RBCK1: variants seen among roughly 807,000 people sequenced by gnomAD.
RBCK1 encodes the protein RANBP2-type and C3HC4-type zinc finger containing 1.
In RBCK1, 44 loss-of-function variants were observed where a neutral mutation model predicts 71.1. The ratio of observed to expected loss-of-function variants is 0.62; its 90% CI spans 0.49 to 0.80. The LOEUF (loss-of-function observed/expected upper bound fraction) is 0.80. Ranked by LOEUF, RBCK1 falls within the 30% of genes least tolerant of loss-of-function variation. RBCK1 has a pLI of 0.00. For synonymous variants in RBCK1, 306 were observed against 279.7 expected (o/e 1.09, Z -0.94); for missense variants, 569 against 685.0 (o/e 0.83, Z 1.89).
rs1385868726 is a variant in RBCK1 at position 422,683 on chromosome 20, G to A, written c.1029+445G>A. Among the ~76,000 whole-genome samples, 1 of 152,128 alleles carries A rather than the reference G, an allele frequency of 6.6e-6. No homozygotes were observed. On this transcript the variant is annotated intron_variant, in intron 8 of 11. Coordinates refer to ENST00000356286, the MANE Select transcript of RBCK1 (RefSeq NM_031229.4). This position sits in a 1 kb window ranked among gnomAD's most constrained non-coding sequence, Gnocchi z 5.0. ...ATTCAAAAAATAGCCAGGCGCGGGGGCATGCGCCTGTAGTCCTAGCTACTT... is the reference window on the plus strand; with the variant it reads ...ATTCAAAAAATAGCCAGGCGCGGGGACATGCGCCTGTAGTCCTAGCTACTT...
At chr20:427,949 A>G (rs1309579339) in intron 9 of RBCK1, among the ~76,000 whole-genome samples, 1 of 152,160 alleles carries the variant, frequency 6.6e-6, no homozygotes, top group Non-Finnish European at 1.5e-5. Context: ...CCCTGGCCCT[A>G]TACCACGTCT....
intron 8 of RBCK1, among the ~76,000 whole-genome samples, chr20:426,372 G>A (rs2016715340): frequency 2.6e-5 from 4 of 152,126 alleles, no homozygotes; most frequent in Admixed American, 1.3e-4. Context: ...GCAGCCTCTG[G>A]TAAGCATCCT....
chr20:418,568 CCG>C (rs2016153335), intron 4 of RBCK1, among the ~76,000 whole-genome samples: 2 of 152,092 alleles, frequency 1.3e-5, no homozygotes, highest in Non-Finnish European at 2.9e-5. Flanking sequence ...CGGGGTTTCA[CCG>C]TGTTAGCCAG....
chr20:432,124 C>A lies in RBCK1; in HGVS notation c.*1694C>A, dbSNP rs933155465. On this transcript the variant is annotated 3_prime_UTR_variant, in exon 12 of 12. Coordinates refer to ENST00000356286, the MANE Select transcript of RBCK1 (RefSeq NM_031229.4). This position sits in a 1 kb window ranked among gnomAD's most constrained non-coding sequence, Gnocchi z 4.3. ...TTTACCACATTAAAATCTAGATGCC[C>A]TGCTTCTCTTGAAAATGTCAAAGCT... Among the ~76,000 whole-genome samples the A allele has an allele frequency of 1.3e-5, 2 of 152,212 alleles. No homozygotes were observed. Among genetic ancestry groups the A allele is most frequent in the African/African-American group, 4.8e-5 (2 of 41,450 alleles).
At chr20:411,263 G>GC (rs1005612735) in intron 2 of RBCK1, among the ~76,000 whole-genome samples, 1 of 151,930 alleles carries the variant, frequency 6.6e-6, no homozygotes, top group African/African-American at 2.4e-5. Context: ...AAGTGCAGTG[G>GC]TGCCATCATC....
chr20:416,081 T>C (rs2015966784), intron 2 of RBCK1, among the ~76,000 whole-genome samples: 1 of 152,056 alleles, frequency 6.6e-6, no homozygotes, highest in Admixed American at 6.6e-5. Flanking sequence ...CAGACTATCA[T>C]GGTGTCATTT....
In RBCK1 at chr20:430,630, G is replaced by A. The variant is rs879327290; in HGVS notation, c.*200G>A. 1.8e-5 allele frequency: 11 copies of A among 609,746 alleles called. No individual in the cohort carries two copies. Among genetic ancestry groups the A allele is most frequent in the Non-Finnish European group, 2.3e-5 (8 of 342,750 alleles). 37.8% of individuals were successfully genotyped at this position (609,746 alleles called of 1,614,324 possible). ...TGCCGGCCAGACTTCTCTCCCCTGC[G>A]GCTCCCACCTCTGCCTGACCCCAGC... On this transcript the variant is annotated 3_prime_UTR_variant, in exon 12 of 12. Coordinates refer to ENST00000356286, the MANE Select transcript of RBCK1 (RefSeq NM_031229.4). This position sits in a 1 kb window ranked among gnomAD's most constrained non-coding sequence, Gnocchi z 5.6.
intron 4 of RBCK1, among the ~76,000 whole-genome samples, chr20:418,161 C>T (rs902491961): frequency 1.3e-5 from 2 of 152,188 alleles, no homozygotes; most frequent in African/African-American, 4.8e-5. Flanking sequence ...TCCGGCATTC[C>T]CAGCTGTGTG....
At chr20:426,517 G>A (rs1025611178) in intron 8 of RBCK1, among the ~76,000 whole-genome samples, 2 of 152,172 alleles carry the variant, frequency 1.3e-5, no homozygotes, top group Non-Finnish European at 2.9e-5. Context: ...CCATGTTGCT[G>A]TAAATGGCAG....
intron 2 of RBCK1, among the ~76,000 whole-genome samples, chr20:413,912 A>T (rs1473116982): frequency 3.8e-5 from 5 of 130,912 alleles, no homozygotes; most frequent in Non-Finnish European, 8.2e-5. Flanking sequence ...TAAGAGACAA[A>T]TCACCAAAAA....
Position 427,400 on chromosome 20 carries a change from A to G in RBCK1, c.1117A>G (p.Thr373Ala). 1 of 1,614,024 alleles carries G rather than the reference A, an allele frequency of 6.2e-7. No individual in the cohort carries two copies. The highest frequency in any genetic ancestry group is 8.5e-7 in the Non-Finnish European group (1 of 1,179,972). Residue 373 changes from threonine (T) to alanine (A), a missense_variant, in exon 9 of 12, where the codon ACC becomes GCC. Thr to Ala is a moderately conservative substitution (Grantham distance 58, BLOSUM62 0). Around this residue, in one of 2 missense-constraint regions of RBCK1, gnomAD observed 211 missense variants for 309.4 expected, o/e 0.68. Transcript: ENST00000356286. ...NRSAFSYHCK[T>A]PDCKGWCFFE... ...CAGTGCCTTCAGCTACCATTGCAAG[A>G]CCCCAGATTGCAAGGGATGGTGCTT...
chr20:412,674 T>C (rs1454279862), intron 2 of RBCK1, among the ~76,000 whole-genome samples: 1 of 152,178 alleles, frequency 6.6e-6, no homozygotes, highest in Admixed American at 6.5e-5. Context: ...TAGCTAGAAG[T>C]ACTTTATTCA....
At chr20:410,287 C>T in intron 2 of RBCK1, 3 of 660,626 alleles carry the variant, frequency 4.5e-6, no homozygotes, top group South Asian at 3.5e-5. Context: ...CCTTATACAA[C>T]AGAAGAAAAC....
rs551784348 is a variant in RBCK1 at position 430,011 on chromosome 20, AG to A, written c.1453-335del. On this transcript the variant is annotated intron_variant, in intron 11 of 11. Transcript: ENST00000356286. This position sits in a 1 kb window ranked among gnomAD's most constrained non-coding sequence, Gnocchi z 5.6. ...CTTGCAGATGGTAGCTGTCGTTATT[AG>A]GGGTGTGCTCTGGAATTGGGGGCCT... Among the ~76,000 whole-genome samples, 184 of 152,322 alleles carry A rather than the reference AG, an allele frequency of 1.2e-3. No individual in the cohort carries two copies. Among genetic ancestry groups the A allele is most frequent in the Non-Finnish European group, 1.9e-3 (128 of 68,028 alleles).
At chr20:425,248 T>TGA (rs1183842182) in intron 8 of RBCK1, among the ~76,000 whole-genome samples, 2 of 152,298 alleles carry the variant, frequency 1.3e-5, no homozygotes, top group Admixed American at 1.3e-4. Context: ...TGACCTCAGG[T>TGA]GATCCACCCA....
chr20:415,115 C>T (rs994122875), intron 2 of RBCK1, among the ~76,000 whole-genome samples: 2 of 152,180 alleles, frequency 1.3e-5, no homozygotes, highest in African/African-American at 4.8e-5. Context: ...ATGGATGATG[C>T]TTGTAATCCT....
Position 408,399 on chromosome 20 carries a change from G to C in RBCK1, c.-359G>C. 1 of 422,354 alleles carries C rather than the reference G, an allele frequency of 2.4e-6. No homozygotes were observed. Among genetic ancestry groups the C allele is most frequent in the Non-Finnish European group, 4.3e-6 (1 of 234,814 alleles). 26.2% of individuals were successfully genotyped at this position (422,354 alleles called of 1,614,324 possible). A position where few individuals can be genotyped will look rare whatever the true frequency, so the allele number is the denominator to read the frequency against. ...CCTTGAAACCCGGGACGCCAGGGGC[G>C]CTCCCGCAAGTGGGGGTCCTCCGGG... On this transcript the variant is annotated 5_prime_UTR_variant, in exon 1 of 12. Transcript: ENST00000356286.
intron 4 of RBCK1, among the ~76,000 whole-genome samples, chr20:418,380 T>G (rs1157076557): frequency 6.6e-6 from 1 of 152,210 alleles, no homozygotes; most frequent in Non-Finnish European, 1.5e-5. Flanking sequence ...GCTTTCTTTT[T>G]TTTTTTGAGA....
intron 7 of RBCK1, 146 bp downstream of exon 7, chr20:421,177 C>A: frequency 9.3e-7 from 1 of 1,070,384 alleles, no homozygotes; most frequent in Non-Finnish European, 1.3e-6. Flanking sequence ...CCCCATGTTG[C>A]GGACGAGGAA....
Sources: allele counts gnomAD v4.1 joint callset (sites outside exome capture counted in the v4.1 genomes callset), GRCh38; gene constraint gnomAD v4.1.1; regional missense constraint gnomAD v4.1.1; non-coding constraint Gnocchi (gnomAD v3.1); transcripts MANE v1.5; gene names NCBI Gene and HGNC (gene_info 2026-07-23, HGNC 2026-07-21).